The following PCDH7 variants were observed in gnomAD, a reference collection of about 807,000 sequenced individuals.
PCDH7 encodes the protein protocadherin 7.
Under a neutral mutation model 58.9 loss-of-function variants are expected in PCDH7, and 17 were observed. The ratio of observed to expected loss-of-function variants is 0.29; its 90% CI spans 0.20 to 0.43. PCDH7 has a LOEUF of 0.43. PCDH7 is among the 20% of genes least tolerant of loss of function. PCDH7 has a pLI of 1.00. For missense variants in PCDH7, 1,274 were observed against 1,441.0 expected (o/e 0.88, Z 1.88); for synonymous variants, 664 against 616.4 (o/e 1.08, Z -1.14).
chr4:31,022,294 G>T (rs953177197), intron 3 of PCDH7, among the ~76,000 whole-genome samples: 3 of 152,110 alleles, frequency 2.0e-5, no homozygotes, highest in Non-Finnish European at 4.4e-5. Context: ...TGGAGATTTT[G>T]TGATTTTTCA....
chr4:31,012,152 A>G (rs1238655661), intron 3 of PCDH7, among the ~76,000 whole-genome samples: 2 of 152,168 alleles, frequency 1.3e-5, no homozygotes, highest in African/African-American at 4.8e-5. Context: ...TCTTGCAAGA[A>G]AAAAGCTACA....
chr4:30,945,888 G>A (rs796437523), intron 2 of PCDH7, among the ~76,000 whole-genome samples: 4 of 151,974 alleles, frequency 2.6e-5, no homozygotes, highest in African/African-American at 7.2e-5. Flanking sequence ...AACAATCAAG[G>A]TGACCTCTCC....
chr4:30,872,869 C>G (rs1024408665), intron 1 of PCDH7, among the ~76,000 whole-genome samples: 1 of 152,032 alleles, frequency 6.6e-6, no homozygotes, highest in Non-Finnish European at 1.5e-5. Flanking sequence ...TACCTTTTAG[C>G]TTGCTTATGA....
intron 1 of PCDH7, among the ~76,000 whole-genome samples, chr4:30,817,163 A>G (rs1460697199): frequency 1.3e-5 from 2 of 152,136 alleles, no homozygotes; most frequent in African/African-American, 2.4e-5. Context: ...GGACTTAGAA[A>G]CCTGATTTAA....
intron 2 of PCDH7, among the ~76,000 whole-genome samples, chr4:30,938,508 A>G (rs1004788821): frequency 6.6e-6 from 1 of 151,402 alleles, no homozygotes. Context: ...ACACACACGC[A>G]CACACTCACA....
intron 1 of PCDH7, chr4:30,783,324 C>G (rs1316545193): frequency 6.6e-6 from 1 of 152,164 alleles, no homozygotes; most frequent in African/African-American, 2.4e-5. Flanking sequence ...ACTATGGAAA[C>G]TTAACATCAA....
At chr4:31,139,109 C>T (rs541829132) in intron 3 of PCDH7, among the ~76,000 whole-genome samples, 11 of 152,008 alleles carry the variant, frequency 7.2e-5, no homozygotes, top group African/African-American at 2.7e-4. Context: ...AAAATGGAAA[C>T]CTCTACAAGT....
At position 30,722,122 on chromosome 4, in the gene PCDH7, G is replaced by T. The variant is rs527485611; in HGVS notation, c.700G>T (p.Gly234Cys). 31 of 1,425,088 alleles carry T rather than the reference G, an allele frequency of 2.2e-5. No individual in the cohort carries two copies. Among genetic ancestry groups the T allele is most frequent in the Non-Finnish European group, 2.6e-5 (29 of 1,095,512 alleles). 88.3% of individuals were successfully genotyped at this position (1,425,088 alleles called of 1,614,324 possible). ...GCTGGACGCATCAGAGGGCGGCGGC[G>T]GCACCAACCCCGGCGGCCGCAGCAG... The change falls in exon 1 of 2, where the codon GGC becomes TGC. Residue 234 changes from glycine (G) to cysteine (C), a missense_variant. Physicochemically the swap from Gly to Cys is radical, Grantham distance 159. Coordinates refer to ENST00000361762, the Ensembl canonical transcript of PCDH7. This position sits in a 1 kb window ranked among gnomAD's most constrained non-coding sequence, Gnocchi z 7.6.
chr4:31,065,996 G>A (rs1031940130), intron 3 of PCDH7, among the ~76,000 whole-genome samples: 2 of 151,898 alleles, frequency 1.3e-5, no homozygotes, highest in African/African-American at 4.8e-5. Context: ...TAGTGCCACA[G>A]TTTTCCTTAC....
In PCDH7 at chr4:30,805,306, A is replaced by G. The variant is rs139059087; in HGVS notation, c.70+80710A>G. Among the ~76,000 whole-genome samples, 647 of 152,266 alleles carry G rather than the reference A, an allele frequency of 4.2e-3. 8 individuals are homozygous for G. The highest frequency in any genetic ancestry group is 0.015 in the African/African-American group (618 of 41,560). On this transcript the variant is annotated intron_variant, in intron 1 of 3. Coordinates refer to the PCDH7 transcript ENST00000509759. ...GGCATATGGTAGGGGGTCATATGGT[A>G]GGTTTTGGTGCCAGATTCTCTTTGG...
At chr4:30,750,364 A>T (rs1053543466) in intron 1 of PCDH7, among the ~76,000 whole-genome samples, 1 of 152,146 alleles carries the variant, frequency 6.6e-6, no homozygotes, top group Non-Finnish European at 1.5e-5. Context: ...TTGTGATTGC[A>T]GTTCATATTG....
chr4:30,835,375 G>T (rs1270806590), intron 1 of PCDH7, among the ~76,000 whole-genome samples: 1 of 152,142 alleles, frequency 6.6e-6, no homozygotes, highest in East Asian at 1.9e-4. Context: ...GAAACCTATT[G>T]TGAACTGCTC....
chr4:31,118,848 T>A (rs571099756), intron 3 of PCDH7, among the ~76,000 whole-genome samples: 1 of 152,150 alleles, frequency 6.6e-6, no homozygotes, highest in South Asian at 2.1e-4. Context: ...TCCCCAAGGA[T>A]CAAAATTTTA....
At chr4:30,832,973 G>T (rs781498513) in intron 1 of PCDH7, among the ~76,000 whole-genome samples, 1 of 152,286 alleles carries the variant, frequency 6.6e-6, no homozygotes, top group Non-Finnish European at 1.5e-5. Flanking sequence ...TAGCAGAAAG[G>T]TGGAAGCCTG....
intron 3 of PCDH7, among the ~76,000 whole-genome samples, chr4:31,104,703 G>A (rs1715327145): frequency 6.6e-6 from 1 of 152,158 alleles, no homozygotes; most frequent in Non-Finnish European, 1.5e-5. Context: ...TGGTCTACAT[G>A]TAAACTCTTT....
chr4:30,801,101 C>A (rs1020670495), intron 1 of PCDH7, among the ~76,000 whole-genome samples: 14 of 152,046 alleles, frequency 9.2e-5, no homozygotes, highest in Admixed American at 5.2e-4. Context: ...GGAGACAGAT[C>A]AAGAAGCATA....
intron 3 of PCDH7, among the ~76,000 whole-genome samples, chr4:31,031,149 T>C (rs775217076): frequency 1.2e-4 from 19 of 152,100 alleles, no homozygotes; most frequent in Non-Finnish European, 2.4e-4. Flanking sequence ...GGAAAGATGG[T>C]TAAGATTTTA....
intron 1 of PCDH7, among the ~76,000 whole-genome samples, chr4:30,833,953 T>C (rs1479861188): frequency 1.3e-5 from 2 of 152,188 alleles, no homozygotes; most frequent in South Asian, 4.1e-4. Flanking sequence ...GCTGATAGGA[T>C]CCCAAATCCA....
At chr4:30,915,270 T>C (rs1012740591) in intron 1 of PCDH7, among the ~76,000 whole-genome samples, 1 of 152,168 alleles carries the variant, frequency 6.6e-6, no homozygotes, top group South Asian at 2.1e-4. Flanking sequence ...ATTCCCACTT[T>C]CTCTATTTCT....
Sources: allele counts gnomAD v4.1 joint callset (sites outside exome capture counted in the v4.1 genomes callset), GRCh38; gene constraint gnomAD v4.1.1; non-coding constraint Gnocchi (gnomAD v3.1); transcripts MANE v1.5; gene names NCBI Gene and HGNC (gene_info 2026-07-23, HGNC 2026-07-21).